C10orf90: variants seen among roughly 807,000 people sequenced by gnomAD.
The protein encoded by C10orf90 is chromosome 10 open reading frame 90.
C10orf90 carries 56 observed loss-of-function variants against 62.5 expected under a neutral mutation model. That is an observed-to-expected ratio of 0.90 (90% CI 0.72 to 1.12). C10orf90 has a LOEUF of 1.12. Ranked by LOEUF, C10orf90 falls within the 50% of genes most tolerant of loss-of-function variation. C10orf90 has a pLI of 0.00. For synonymous variants in C10orf90, 386 were observed against 340.4 expected, an observed-to-expected ratio of 1.13 and a Z score of -1.47; for missense variants, 970 against 880.4, an observed-to-expected ratio of 1.10 and a Z score of -1.29.
At chr10:126,593,888 C>T (rs920862638) in intron 2 of C10orf90, among the ~76,000 whole-genome samples, 1 of 151,872 alleles carries the variant, frequency 6.6e-6, no homozygotes, top group Non-Finnish European at 1.5e-5. Context: ...GTCTTCCAGG[C>T]AGGATATCGT....
At chr10:126,521,287 A>G (rs1863729576) in intron 2 of C10orf90, 1 of 1,613,922 alleles carries the variant, frequency 6.2e-7, no homozygotes. Context: ...GTGGAAAAAA[A>G]TTAGAACATA....
chr10:126,479,204 G>A (rs1176259979), intron 4 of C10orf90, among the ~76,000 whole-genome samples: 1 of 152,224 alleles, frequency 6.6e-6, no homozygotes, highest in Non-Finnish European at 1.5e-5. Context: ...GAGGGAAGGG[G>A]CTGTGCGTTA....
At chr10:126,627,682 A>G (rs1845773347) in intron 2 of C10orf90, among the ~76,000 whole-genome samples, 1 of 152,228 alleles carries the variant, frequency 6.6e-6, no homozygotes, top group African/African-American at 2.4e-5. Flanking sequence ...GGTTAAAGCT[A>G]TGCACTGTAA....
chr10:126,545,490 A>G (rs554572134), intron 2 of C10orf90, among the ~76,000 whole-genome samples: 1 of 152,070 alleles, frequency 6.6e-6, no homozygotes, highest in South Asian at 2.1e-4. Flanking sequence ...AAAAGTATTC[A>G]CTTATTCTTA....
chr10:126,526,238 C>T (rs56184663), intron 2 of C10orf90, among the ~76,000 whole-genome samples: 2,680 of 150,760 alleles, frequency 0.018, 84 homozygotes, highest in African/African-American at 0.061. Flanking sequence ...TCTCTCTCTG[C>T]AATTGACTTT....
At chr10:126,635,022 G>A (rs937905422) in intron 2 of C10orf90, among the ~76,000 whole-genome samples, 1 of 152,162 alleles carries the variant, frequency 6.6e-6, no homozygotes, top group East Asian at 1.9e-4. Flanking sequence ...CAAGAACAAG[G>A]CCTGGCCAAC....
intron 2 of C10orf90, among the ~76,000 whole-genome samples, chr10:126,614,945 T>C (rs1845510374): frequency 6.6e-6 from 1 of 152,108 alleles, no homozygotes; most frequent in Non-Finnish European, 1.5e-5. Flanking sequence ...ATGACATATG[T>C]TTATTATTTC....
At chr10:126,513,705 T>C in intron 3 of C10orf90, 143 bp downstream of exon 3, 1 of 585,456 alleles carries the variant, frequency 1.7e-6, no homozygotes, top group Non-Finnish European at 3.0e-6. Flanking sequence ...ATTAAATCTA[T>C]AGCACGGTTA....
intron 4 of C10orf90, among the ~76,000 whole-genome samples, chr10:126,483,558 A>T (rs930732097): frequency 6.6e-6 from 1 of 152,230 alleles, no homozygotes. Flanking sequence ...AGCCTAGTCA[A>T]CATTGTCTGA....
chr10:126,650,336 A>G (rs1474725556), intron 1 of C10orf90, among the ~76,000 whole-genome samples: 1 of 152,234 alleles, frequency 6.6e-6, no homozygotes, highest in Admixed American at 6.5e-5. Flanking sequence ...ATGGGAAAAA[A>G]GATTTAAGAA....
intron 2 of C10orf90, among the ~76,000 whole-genome samples, chr10:126,633,292 A>C (rs1845885979): frequency 6.6e-6 from 1 of 152,226 alleles, no homozygotes; most frequent in South Asian, 2.1e-4. Flanking sequence ...GGGCCACATG[A>C]TGTCTTGGAG....
At chr10:126,458,155 G>A (rs890997527) in intron 7 of C10orf90, among the ~76,000 whole-genome samples, 6 of 152,098 alleles carry the variant, frequency 3.9e-5, no homozygotes, top group African/African-American at 1.4e-4. Flanking sequence ...CAGTCCCCCA[G>A]GCACCCAGAA....
rs1422755265 is a variant in C10orf90, at chr10:126,504,515, C to T, written c.976G>A (p.Asp326Asn). 1.2e-6 allele frequency: 2 copies of T among 1,614,220 alleles called. No individual in the cohort carries two copies. Among genetic ancestry groups the T allele is most frequent in the Non-Finnish European group, 8.5e-7 (1 of 1,180,040 alleles). Residue 326 changes from aspartate to asparagine, a missense_variant, in exon 4 of 10, where the codon GAC (aspartate) becomes AAC (asparagine). Asp to Asn is a conservative substitution (Grantham distance 23, BLOSUM62 1). Transcript: ENST00000488181. This position sits in a 1 kb window ranked among gnomAD's most constrained non-coding sequence, Gnocchi z 4.1. ...RRKYWVTHADDKETSFSPDTP... is the reference protein window; with the variant it reads ...RRKYWVTHADNKETSFSPDTP... ...TCTGGAGAAAAACTGGTCTCTTTGT[C>T]GTCTGCATGGGTGACCCAGTACTTG...
At chr10:126,662,961 T>C (rs1846547787) in intron 1 of C10orf90, among the ~76,000 whole-genome samples, 1 of 152,236 alleles carries the variant, frequency 6.6e-6, no homozygotes, top group African/African-American at 2.4e-5. Flanking sequence ...GATCAGATGA[T>C]AAGCCTCTTT....
intron 2 of C10orf90, chr10:126,524,470 A>G (rs1863873666): frequency 3.7e-6 from 1 of 266,718 alleles, no homozygotes. Flanking sequence ...TAGCGGGGAC[A>G]GGAATCCTGC....
chr10:126,585,832 A>G (rs992763010), intron 2 of C10orf90, among the ~76,000 whole-genome samples: 6 of 152,210 alleles, frequency 3.9e-5, no homozygotes, highest in Admixed American at 3.3e-4. Flanking sequence ...TTCCCAGACC[A>G]CATCATCAAC....
chr10:126,462,235 C>G (rs1860032432), intron 5 of C10orf90, among the ~76,000 whole-genome samples: 1 of 152,116 alleles, frequency 6.6e-6, no homozygotes, highest in African/African-American at 2.4e-5. Context: ...GCAAGCAACA[C>G]AATGTCCTTC....
In C10orf90 at chr10:126,464,923, GAC is replaced by G. The variant is rs1237158574; in HGVS notation, c.1596_1597del (p.Ser533CysfsTer10). 6 of 1,613,232 alleles carry G rather than the reference GAC, an allele frequency of 3.7e-6. No individual in the cohort carries two copies. The highest frequency in any genetic ancestry group is 5.1e-6 in the Non-Finnish European group (6 of 1,179,310). On this transcript the variant is annotated frameshift_variant, in exon 5 of 10. Transcript: ENST00000488181. LOFTEE classifies it high-confidence loss of function. ...GGGCTTCTGTTCCACTGGAGGAGCA[GAC>G]ACAGTCATACATACTTCTCCTTGTT... is the stretch of plus-strand genomic sequence containing the variant.
At chr10:126,572,237 G>T (rs966827512) in intron 2 of C10orf90, among the ~76,000 whole-genome samples, 1 of 152,134 alleles carries the variant, frequency 6.6e-6, no homozygotes, top group South Asian at 2.1e-4. Flanking sequence ...ATGGCAATGC[G>T]AGTGACCTCT....
Sources: allele counts gnomAD v4.1 joint callset (sites outside exome capture counted in the v4.1 genomes callset), GRCh38; gene constraint gnomAD v4.1.1; non-coding constraint Gnocchi (gnomAD v3.1); transcripts MANE v1.5; gene names NCBI Gene and HGNC (gene_info 2026-07-23, HGNC 2026-07-21).